Variants in ZNF248 observed in about 807,000 individuals in gnomAD.
ZNF248 encodes zinc finger protein 248, also known as KRAB protein domain.
Under a neutral mutation model 44.3 loss-of-function variants are expected in ZNF248, and 20 were observed. That is an observed-to-expected ratio of 0.45 (90% CI 0.32 to 0.66). The LOEUF (loss-of-function observed/expected upper bound fraction) is 0.66, where lower values mean the gene tolerates loss of function less well. ZNF248 is among the 30% of genes least tolerant of loss of function. The probability of loss-of-function intolerance (pLI) is 0.04; values close to 1 mark genes in which losing one functional copy is unlikely to be tolerated. For missense variants in ZNF248, 654 were observed against 677.0 expected (o/e 0.97, Z 0.38); for synonymous variants, 224 against 229.0 (o/e 0.98, Z 0.20).
chr10:37,838,545 A>G (rs757091132), intron 3 of ZNF248, among the ~76,000 whole-genome samples: 12 of 152,230 alleles, frequency 7.9e-5, no homozygotes, highest in Non-Finnish European at 1.6e-4. Flanking sequence ...ATTGAAATGA[A>G]TATGACCAAG....
intron 3 of ZNF248, among the ~76,000 whole-genome samples, chr10:37,841,005 T>C (rs528833342): frequency 1.3e-5 from 2 of 152,296 alleles, no homozygotes; most frequent in Non-Finnish European, 2.9e-5. Flanking sequence ...TAACAAGGTA[T>C]ATGGTTAAAC....
At chr10:37,781,967 A>T (rs1210369560) in intron 6 of ZNF248, among the ~76,000 whole-genome samples, 4 of 152,250 alleles carry the variant, frequency 2.6e-5, no homozygotes, top group African/African-American at 9.6e-5. Context: ...TACTCTGGGA[A>T]CATCCCTTAC....
In ZNF248 at chr10:37,839,654, C is replaced by T. The variant is rs143916333; in HGVS notation, c.16-1543G>A. On this transcript the variant is annotated intron_variant, in intron 3 of 5. Coordinates refer to ENST00000395867, the MANE Select transcript of ZNF248 (RefSeq NM_021045.3). ...TAATCTGAAACATTTATGCATTTAA[C>T]GAAAGACTATCAAAATACATAAGGC... is the stretch of plus-strand genomic sequence containing the variant. 3.8e-3 allele frequency among the ~76,000 whole-genome samples: 574 copies of T among 151,912 alleles called. 5 individuals carry two copies. The highest frequency in any genetic ancestry group is 0.013 in the African/African-American group (540 of 41,408).
intron 3 of ZNF248, among the ~76,000 whole-genome samples, chr10:37,842,495 G>C (rs994519901): frequency 4.6e-5 from 7 of 152,160 alleles, no homozygotes; most frequent in Non-Finnish European, 1.0e-4. Context: ...TGACAGCCTT[G>C]AGACGGCAGA....
intron 3 of ZNF248, among the ~76,000 whole-genome samples, chr10:37,852,373 C>G (rs574019111): frequency 1.5e-4 from 23 of 152,214 alleles, no homozygotes; most frequent in Non-Finnish European, 7.4e-5. Flanking sequence ...AAAAAGCTAA[C>G]CCCAAGAGGT....
intron 3 of ZNF248, among the ~76,000 whole-genome samples, chr10:37,842,173 TA>T (rs2058461111): frequency 6.6e-6 from 1 of 152,152 alleles, no homozygotes; most frequent in Non-Finnish European, 1.5e-5. Context: ...AACTTTTCCA[TA>T]AATCTAAAAC....
At chr10:37,855,547 C>T (rs1456286451) in intron 3 of ZNF248, among the ~76,000 whole-genome samples, 3 of 151,976 alleles carry the variant, frequency 2.0e-5, no homozygotes, top group Non-Finnish European at 4.4e-5. Flanking sequence ...AGAAAAGATG[C>T]CTTCATGAGG....
chr10:37,779,573 A>G (rs954294512), intron 6 of ZNF248, among the ~76,000 whole-genome samples: 3 of 151,472 alleles, frequency 2.0e-5, no homozygotes, highest in Admixed American at 6.6e-5. Flanking sequence ...GAATGGGCAA[A>G]AACTGGAAGC....
intron 6 of ZNF248, among the ~76,000 whole-genome samples, chr10:37,778,584 T>C (rs1335366280): frequency 6.6e-6 from 1 of 152,312 alleles, no homozygotes. Flanking sequence ...CCATTGCTTT[T>C]GGTGTCTTAG....
At chr10:37,839,270 A>C (rs541531059) in intron 3 of ZNF248, among the ~76,000 whole-genome samples, 1 of 152,314 alleles carries the variant, frequency 6.6e-6, no homozygotes, top group South Asian at 2.1e-4. Flanking sequence ...GTGAGACTCC[A>C]TTGGGAGAAA....
chr10:37,768,861 A>C, the ZNF248 span, among the ~76,000 whole-genome samples: 9,113 of 152,162 alleles, frequency 0.06, 352 homozygotes, highest in Middle Eastern at 0.095. Context: ...TCAACAAAAT[A>C]GATAGACTGC....
intron 3 of ZNF248, among the ~76,000 whole-genome samples, chr10:37,851,678 GAA>G (rs2060249302): frequency 7.0e-6 from 1 of 142,422 alleles, no homozygotes; most frequent in East Asian, 2.1e-4. Flanking sequence ...CTATTTCAAT[GAA>G]GAGAATATAC....
At position 37,832,570 on chromosome 10, in the gene ZNF248, C is replaced by A; in HGVS notation, c.785G>T (p.Arg262Ile). ...IESLKLNISQ[R>I]PHLEMEPYGC... ...ATACGGCTCCATTTCCAAATGAGGT[C>A]TTTGAGATATATTCAGCTTTAAACT... is the stretch of plus-strand genomic sequence containing the variant. Residue 262 changes from arginine to isoleucine, a missense_variant, in exon 6 of 6, where the codon AGA becomes ATA. Arg to Ile is a moderately conservative substitution (Grantham distance 97). Coordinates refer to ENST00000395867, the MANE Select transcript of ZNF248 (RefSeq NM_021045.3). 2 of 1,613,770 alleles carry A rather than the reference C, an allele frequency of 1.2e-6. No homozygotes were observed. The highest frequency in any genetic ancestry group is 1.7e-6 in the Non-Finnish European group (2 of 1,179,898).
intron 3 of ZNF248, among the ~76,000 whole-genome samples, chr10:37,848,921 T>C (rs138539153): frequency 1.3e-5 from 2 of 152,124 alleles, no homozygotes; most frequent in African/African-American, 4.8e-5. Context: ...TAAATATGAA[T>C]GGAAAATAAA....
chr10:37,799,420 G>A (rs1000347883), intron 6 of ZNF248, among the ~76,000 whole-genome samples: 3 of 152,232 alleles, frequency 2.0e-5, no homozygotes, highest in South Asian at 2.1e-4. Context: ...TTAGTTGAGC[G>A]TGATTGCGCA....
chr10:37,822,735 A>G (rs1297512628), intron 6 of ZNF248, among the ~76,000 whole-genome samples: 1 of 152,148 alleles, frequency 6.6e-6, no homozygotes, highest in African/African-American at 2.4e-5. Context: ...ATTAACACTA[A>G]CGATAGGTGA....
intron 5 of ZNF248, 75 bp from the exon 6 acceptor site, chr10:37,833,191 C>T: frequency 6.7e-7 from 1 of 1,498,256 alleles, no homozygotes; most frequent in Non-Finnish European, 8.8e-7. Context: ...TACACAAATG[C>T]ACTATCATAC....
At chr10:37,781,601 TC>T (rs1448385458) in intron 6 of ZNF248, among the ~76,000 whole-genome samples, 2 of 151,290 alleles carry the variant, frequency 1.3e-5, no homozygotes, top group African/African-American at 4.8e-5. Context: ...CTGGGCCTCC[TC>T]GGGGACTTCA....
chr10:37,760,225 T>G, the ZNF248 span, among the ~76,000 whole-genome samples: 1 of 151,734 alleles, frequency 6.6e-6, no homozygotes, highest in East Asian at 1.9e-4. Context: ...AAATGCTGGG[T>G]TTTTTGTTTT....
Sources: allele counts gnomAD v4.1 joint callset (sites outside exome capture counted in the v4.1 genomes callset), GRCh38; gene constraint gnomAD v4.1.1; transcripts MANE v1.5; gene names NCBI Gene and HGNC (gene_info 2026-07-23, HGNC 2026-07-21).